SLX4IP: variants seen among roughly 807,000 people sequenced by gnomAD.
SLX4IP encodes protein SLX4IP.
SLX4IP carries 34 observed loss-of-function variants against 32.9 expected under a neutral mutation model. The observed-to-expected ratio is 1.03, with a 90% CI of 0.79 to 1.38. The LOEUF is 1.38. Ranked by LOEUF, SLX4IP falls within the 40% of genes most tolerant of loss-of-function variation. SLX4IP has a pLI of 0.00. For synonymous variants in SLX4IP, 172 were observed against 171.7 expected (o/e 1.00, Z -0.01); for missense variants, 444 against 479.0 (o/e 0.93, Z 0.68).
chr20:10,614,235 A>T, intron 6 of SLX4IP: 3 of 626,584 alleles, frequency 4.8e-6, no homozygotes. Context: ...ACTCATGTAC[A>T]TAACCATGAG....
In SLX4IP at chr20:10,623,145, C is replaced by T. The variant is rs2067134772; in HGVS notation, c.993C>T (p.Val331=). Residue 331 remains valine (V), a synonymous_variant, in exon 8 of 8, where the codon GTC becomes GTT. Coordinates refer to ENST00000334534, the MANE Select transcript of SLX4IP (RefSeq NM_001009608.3). ...REIIVEKSKA[V]RVLPASELSD... ...TAATAGTGGAAAAAAGCAAAGCTGT[C>T]AGGGTTTTGCCAGCTTCAGAGTTGT... The T allele has an allele frequency of 6.2e-7, 1 of 1,614,146 alleles. No homozygotes were observed.
At chr20:10,458,054 G>T in intron 1 of SLX4IP, 122 bp from the exon 2 acceptor site, 1 of 531,178 alleles carries the variant, frequency 1.9e-6, no homozygotes. Context: ...GCAATTATAA[G>T]TGAACATTCA....
intron 2 of SLX4IP, among the ~76,000 whole-genome samples, chr20:10,524,028 G>T (rs2065921474): frequency 6.6e-6 from 1 of 152,218 alleles, no homozygotes; most frequent in South Asian, 2.1e-4. Flanking sequence ...GAACGTAAGA[G>T]CCTTCCTGGC....
intron 4 of SLX4IP, among the ~76,000 whole-genome samples, chr20:10,580,453 C>T (rs1189915004): frequency 6.6e-6 from 1 of 151,666 alleles, no homozygotes; most frequent in Non-Finnish European, 1.5e-5. Flanking sequence ...GGATCTCCCT[C>T]CTCCCAATTT....
At chr20:10,612,689 A>G (rs2066980969) in intron 6 of SLX4IP, among the ~76,000 whole-genome samples, 1 of 151,870 alleles carries the variant, frequency 6.6e-6, no homozygotes. Context: ...ACAGGCATGC[A>G]CCACCACGCC....
intron 2 of SLX4IP, among the ~76,000 whole-genome samples, chr20:10,476,228 T>C (rs1212001305): frequency 6.6e-6 from 1 of 152,218 alleles, no homozygotes; most frequent in Non-Finnish European, 1.5e-5. Context: ...GAGGATGTCA[T>C]TCTACTAAAC....
At chr20:10,504,990 C>G (rs546702106) in intron 2 of SLX4IP, among the ~76,000 whole-genome samples, 87 of 152,282 alleles carry the variant, frequency 5.7e-4, no homozygotes, top group African/African-American at 2.0e-3. Flanking sequence ...ACCATTCTTT[C>G]ACTTATTCAG....
At chr20:10,470,669 A>C (rs1219544720) in intron 2 of SLX4IP, among the ~76,000 whole-genome samples, 1 of 152,238 alleles carries the variant, frequency 6.6e-6, no homozygotes, top group Non-Finnish European at 1.5e-5. Context: ...TTTGTTCCAC[A>C]GTGGAATAGC....
intron 2 of SLX4IP, among the ~76,000 whole-genome samples, chr20:10,518,542 C>CT (rs1419267250): frequency 6.5e-5 from 5 of 76,524 alleles, no homozygotes; most frequent in African/African-American, 2.3e-4. Flanking sequence ...TCCTTCCTTC[C>CT]TTCCTTCCTT....
At chr20:10,562,713 T>C (rs925026503) in intron 4 of SLX4IP, among the ~76,000 whole-genome samples, 2 of 152,222 alleles carry the variant, frequency 1.3e-5, no homozygotes, top group Admixed American at 6.5e-5. Context: ...CATATCACCA[T>C]GAATGACAGA....
At chr20:10,594,846 A>G (rs1422000468) in intron 4 of SLX4IP, among the ~76,000 whole-genome samples, 2 of 152,212 alleles carry the variant, frequency 1.3e-5, no homozygotes, top group East Asian at 3.8e-4. Context: ...ATAAAATAGT[A>G]GGAGGACTGT....
At chr20:10,600,966 C>G (rs1420226873) in intron 5 of SLX4IP, among the ~76,000 whole-genome samples, 1 of 152,090 alleles carries the variant, frequency 6.6e-6, no homozygotes, top group Non-Finnish European at 1.5e-5. Flanking sequence ...GGCTGGCGAA[C>G]AAATGGATGG....
intron 4 of SLX4IP, among the ~76,000 whole-genome samples, chr20:10,595,705 A>G (rs901378590): frequency 8.5e-5 from 13 of 152,214 alleles, no homozygotes; most frequent in African/African-American, 2.9e-4. Context: ...TCAGTGCAGT[A>G]TGTTTCAAGC....
intron 4 of SLX4IP, among the ~76,000 whole-genome samples, chr20:10,573,411 A>C (rs1163645060): frequency 1.3e-5 from 2 of 152,236 alleles, no homozygotes; most frequent in East Asian, 3.8e-4. Context: ...TGATCCCTGA[A>C]TAAACATAGG....
At chr20:10,529,003 G>A in intron 2 of SLX4IP, among the ~76,000 whole-genome samples, 1 of 152,174 alleles carries the variant, frequency 6.6e-6, no homozygotes, top group East Asian at 1.9e-4. Context: ...TCTGTACAAG[G>A]AAAGAAAGGT....
chr20:10,601,222 T>C (rs1016211200), intron 5 of SLX4IP, among the ~76,000 whole-genome samples: 2 of 152,208 alleles, frequency 1.3e-5, no homozygotes, highest in Non-Finnish European at 2.9e-5. Context: ...GCTGCTGTTT[T>C]CCCAGCCTGC....
At chr20:10,609,015 A>T (rs1426055178) in intron 6 of SLX4IP, among the ~76,000 whole-genome samples, 3 of 152,184 alleles carry the variant, frequency 2.0e-5, no homozygotes, top group African/African-American at 7.2e-5. Context: ...CTGGAGAAAG[A>T]GACACGCTAA....
intron 2 of SLX4IP, among the ~76,000 whole-genome samples, chr20:10,514,226 A>G (rs1219902315): frequency 6.6e-6 from 1 of 152,146 alleles, no homozygotes; most frequent in Non-Finnish European, 1.5e-5. Context: ...CCTGGCCCCA[A>G]CTTTTTAAAA....
At chr20:10,554,741 A>G (rs866070194) in intron 2 of SLX4IP, among the ~76,000 whole-genome samples, 1 of 151,682 alleles carries the variant, frequency 6.6e-6, no homozygotes, top group African/African-American at 2.4e-5. Flanking sequence ...CATTTATCCT[A>G]TTTGTGAAGT....
Sources: allele counts gnomAD v4.1 joint callset (sites outside exome capture counted in the v4.1 genomes callset), GRCh38; gene constraint gnomAD v4.1.1; transcripts MANE v1.5; gene names NCBI Gene and HGNC (gene_info 2026-07-23, HGNC 2026-07-21).